Variants in ZRANB3 observed in about 807,000 individuals in gnomAD.
The protein encoded by ZRANB3 is zinc finger RANBP2-type containing 3, also known as DNA annealing helicase and endonuclease ZRANB3.
In ZRANB3, 125 loss-of-function variants were observed where a neutral mutation model predicts 133.8. The observed-to-expected ratio is 0.93, with a 90% CI of 0.81 to 1.08. The LOEUF is 1.08. ZRANB3 is among the 50% of genes least tolerant of loss of function. ZRANB3 has a pLI of 0.00. For missense variants in ZRANB3, 1,229 were observed against 1,275.5 expected, an observed-to-expected ratio of 0.96 and a Z score of 0.56; for synonymous variants, 387 against 432.7, an observed-to-expected ratio of 0.89 and a Z score of 1.31.
chr2:135,287,316 C>T (rs1248204124), intron 8 of ZRANB3, among the ~76,000 whole-genome samples: 1 of 152,190 alleles, frequency 6.6e-6, no homozygotes, highest in African/African-American at 2.4e-5. Flanking sequence ...GTTTTGGTGA[C>T]TATAACCTTA....
intron 8 of ZRANB3, among the ~76,000 whole-genome samples, chr2:135,276,872 G>C (rs920796241): frequency 6.6e-6 from 1 of 152,192 alleles, no homozygotes; most frequent in East Asian, 1.9e-4. Flanking sequence ...CTCTGGAATG[G>C]GGGGTAGGAG....
chr2:135,363,679 TG>T (rs1176403807), intron 3 of ZRANB3, among the ~76,000 whole-genome samples: 4 of 152,068 alleles, frequency 2.6e-5, no homozygotes, highest in African/African-American at 4.8e-5. Flanking sequence ...CAAAAAGAAA[TG>T]GGGGGAAAAA....
At chr2:135,525,848 CAAA>C (rs557386914) in intron 1 of ZRANB3, among the ~76,000 whole-genome samples, 5 of 67,014 alleles carry the variant, frequency 7.5e-5, no homozygotes, top group Admixed American at 1.5e-4. Context: ...AACTCTGTCT[CAAA>C]AAAAAAAAAA....
intron 4 of ZRANB3, among the ~76,000 whole-genome samples, chr2:135,352,055 G>C (rs1025652877): frequency 6.6e-6 from 1 of 152,154 alleles, no homozygotes; most frequent in Non-Finnish European, 1.5e-5. Context: ...TTATCAGCCA[G>C]GTGCAGTGGC....
chr2:135,424,512 C>G (rs1031933608), intron 2 of ZRANB3, among the ~76,000 whole-genome samples: 2 of 152,176 alleles, frequency 1.3e-5, no homozygotes, highest in Admixed American at 1.3e-4. Context: ...GTGGGCAGAC[C>G]ACTTGAGGTC....
rs573091838 is a variant in ZRANB3 at position 135,504,427 on chromosome 2, T to C, written c.63A>G (p.Glu21=). 1.4e-5 allele frequency: 22 copies of C among 1,613,738 alleles called. No individual in the cohort carries two copies. The highest frequency in any genetic ancestry group is 3.3e-5 in the Admixed American group (2 of 60,024). The change falls in exon 2 of 21, where the codon GAA becomes GAG. Residue 21 remains glutamate (E), a synonymous_variant. Coordinates refer to ENST00000264159, the MANE Select transcript of ZRANB3 (RefSeq NM_032143.4). Reference sequence around the variant, plus strand: ...GCAAAAAATCCAGCAGATTATCAGATTCATTTGTCACACAAGAAATGTGAG... The same window carrying C: ...GCAAAAAATCCAGCAGATTATCAGACTCATTTGTCACACAAGAAATGTGAG... ...LTPHISCVTN[E]SDNLLDFLPD...
At chr2:135,287,759 T>C (rs1444179670) in intron 8 of ZRANB3, among the ~76,000 whole-genome samples, 1 of 151,296 alleles carries the variant, frequency 6.6e-6, no homozygotes, top group Admixed American at 6.6e-5. Flanking sequence ...TATAGCAATG[T>C]TACTGATTTG....
chr2:135,321,465 A>T, intron 6 of ZRANB3, among the ~76,000 whole-genome samples: 2 of 144,294 alleles, frequency 1.4e-5, no homozygotes, highest in African/African-American at 2.7e-5. Flanking sequence ...CTTATTACTG[A>T]GTTTTGGGAT....
intron 2 of ZRANB3, among the ~76,000 whole-genome samples, chr2:135,494,249 A>G (rs1291798454): frequency 6.9e-6 from 1 of 144,054 alleles, no homozygotes; most frequent in Admixed American, 7.3e-5. Context: ...CGGAGCTTGC[A>G]GTGAGCTGAG....
At chr2:135,481,261 T>A (rs1691790098) in intron 2 of ZRANB3, among the ~76,000 whole-genome samples, 1 of 151,016 alleles carries the variant, frequency 6.6e-6, no homozygotes, top group African/African-American at 2.4e-5. Context: ...TTTCTCCACA[T>A]CCTCTCCAGC....
intron 3 of ZRANB3, among the ~76,000 whole-genome samples, chr2:135,381,914 A>G (rs923023304): frequency 1.1e-4 from 17 of 152,324 alleles, no homozygotes; most frequent in African/African-American, 3.4e-4. Context: ...AGAAAAACTG[A>G]AAATTCTAAA....
At chr2:135,310,530 A>C (rs1442120665) in intron 8 of ZRANB3, among the ~76,000 whole-genome samples, 1 of 152,170 alleles carries the variant, frequency 6.6e-6, no homozygotes, top group African/African-American at 2.4e-5. Context: ...CAAAAATAAT[A>C]GTTTATAGAC....
At chr2:135,318,587 T>C (rs1683371350) in intron 6 of ZRANB3, among the ~76,000 whole-genome samples, 1 of 151,370 alleles carries the variant, frequency 6.6e-6, no homozygotes, top group Admixed American at 6.6e-5. Context: ...TGTATGTCTG[T>C]ATAATAATGG....
chr2:135,504,960 AAG>A (rs1693108369), intron 1 of ZRANB3, among the ~76,000 whole-genome samples: 1 of 152,042 alleles, frequency 6.6e-6, no homozygotes, highest in Admixed American at 6.6e-5. Flanking sequence ...ATAAAATACA[AAG>A]ACATTAACTC....
At chr2:135,280,611 T>C (rs1681058191) in intron 8 of ZRANB3, among the ~76,000 whole-genome samples, 1 of 152,066 alleles carries the variant, frequency 6.6e-6, no homozygotes, top group Non-Finnish European at 1.5e-5. Flanking sequence ...ATGAAGAGAA[T>C]ATTCATGATT....
intron 2 of ZRANB3, among the ~76,000 whole-genome samples, chr2:135,414,632 C>A (rs1323425849): frequency 1.3e-5 from 2 of 152,106 alleles, no homozygotes; most frequent in Non-Finnish European, 2.9e-5. Flanking sequence ...ACTCTCCATC[C>A]CAAATCAACA....
chr2:135,207,636 C>T lies in ZRANB3; in HGVS notation c.2807G>A (p.Cys936Tyr). Residue 936 changes from cysteine (C) to tyrosine (Y), a missense_variant, in exon 19 of 21, where the codon TGC (cysteine) becomes TAC (tyrosine). By Grantham distance (194) the Cys-to-Tyr change is radical. Transcript: ENST00000264159. ...CKANSWDSRF[C>Y]SLKCQEEFWI... is the part of the protein sequence containing the mutation. ...AAACTCTTCCTGACATTTCAGAGAG[C>T]AAAACCGTGAATCCCAAGAGTTCGC... The T allele has an allele frequency of 6.2e-7, 1 of 1,614,002 alleles. No individual in the cohort carries two copies. Among genetic ancestry groups the T allele is most frequent in the East Asian group, 2.2e-5 (1 of 44,886 alleles).
At position 135,513,974 on chromosome 2, in the gene ZRANB3, T is replaced by C. The variant is rs182343154; in HGVS notation, c.-7-9478A>G. Among the ~76,000 whole-genome samples the C allele has an allele frequency of 3.1e-3, 469 of 152,262 alleles. 2 individuals carry two copies. The highest frequency in any genetic ancestry group is 6.8e-3 in the Middle Eastern group (2 of 294). ...TGTGTAGTGTTATTTCTGAGGCCTC[T>C]GTTCTGATCCATTGGTTTATATATC... On this transcript the variant is annotated intron_variant, in intron 1 of 20. Transcript: ENST00000264159.
intron 2 of ZRANB3, among the ~76,000 whole-genome samples, chr2:135,440,944 A>C (rs1173415921): frequency 6.6e-6 from 1 of 152,212 alleles, no homozygotes; most frequent in Non-Finnish European, 1.5e-5. Context: ...AGAGAATAAA[A>C]GGTTTAAGAA....
Sources: gnomAD v4.1 joint callset for allele counts (sites outside exome capture counted in the v4.1 genomes callset) on GRCh38, gnomAD v4.1.1 for gene constraint, MANE v1.5 for transcripts, NCBI Gene and HGNC (gene_info 2026-07-23, HGNC 2026-07-21) for gene names.